The following HOMEZ variants were observed in gnomAD, a reference collection of about 807,000 sequenced individuals.
The protein encoded by HOMEZ is homeobox and leucine zipper protein Homez.
HOMEZ carries 20 observed loss-of-function variants against 50.1 expected under a neutral mutation model. That is an observed-to-expected ratio of 0.40 (90% confidence interval 0.28 to 0.58). HOMEZ has a LOEUF of 0.58. Among genes scored for constraint, HOMEZ ranks in the 20% least tolerant of loss-of-function variants. The pLI is 0.46. For missense variants in HOMEZ, 579 were observed against 680.5 expected, an observed-to-expected ratio of 0.85 and a Z score of 1.66; for synonymous variants, 239 against 254.7, an observed-to-expected ratio of 0.94 and a Z score of 0.59.
At chr14:23,281,808 TAATAATAATAA>T (rs1325320975) in intron 1 of HOMEZ, among the ~76,000 whole-genome samples, 1 of 143,386 alleles carries the variant, frequency 7.0e-6, no homozygotes, top group Admixed American at 7.0e-5. Context: ...CAAATAATAA[TAATAATAATAA>T]TAATAATAAT....
chr14:23,278,134 GT>G (rs1166550227), intron 1 of HOMEZ, among the ~76,000 whole-genome samples: 9 of 148,580 alleles, frequency 6.1e-5, no homozygotes, highest in East Asian at 2.0e-4. Flanking sequence ...CTGGTGGGTT[GT>G]TTTTTTTTAA....
rs1886374972 is a variant in HOMEZ, at chr14:23,276,837, C to T, written c.391G>A (p.Asp131Asn). The T allele has an allele frequency of 4.3e-6, 7 of 1,614,024 alleles. No homozygotes were observed. Among genetic ancestry groups the T allele is most frequent in the Non-Finnish European group, 5.9e-6 (7 of 1,179,900 alleles). The change falls in exon 2 of 2, where the codon GAC (aspartate) becomes AAC (asparagine). Residue 131 changes from aspartate to asparagine, a missense_variant. Physicochemically the swap from Asp to Asn is conservative, Grantham distance 23. Coordinates refer to ENST00000357460, the MANE Select transcript of HOMEZ (RefSeq NM_020834.3). This position sits in a 1 kb window ranked among gnomAD's most constrained non-coding sequence, Gnocchi z 4.1. ...AGAAGGGATTTGAAATGGAGTTGGT[C>T]CCGACGGTAGACTACTCGGGCTCGA... ...ETRARVVYRR[D>N]QLHFKSLLSF...
Position 23,275,955 on chromosome 14 carries a change from G to A in HOMEZ, c.1273C>T (p.Pro425Ser), listed in dbSNP as rs756194883. Residue 425 changes from proline (P) to serine (S), a missense_variant, in exon 2 of 2, where the codon CCT becomes TCT. Pro to Ser is a moderately conservative substitution (Grantham distance 74, BLOSUM62 -1). Transcript: ENST00000357460. ...QLKWFRDNAV[P>S]GAPSFQDPAI... ...GGGTCTTGGAAACTAGGGGCACCAGGTACTGCGTTGTCCCGAAACCACTTT... is the reference window on the plus strand; with the variant it reads ...GGGTCTTGGAAACTAGGGGCACCAGATACTGCGTTGTCCCGAAACCACTTT... The A allele has an allele frequency of 1.9e-6, 3 of 1,612,404 alleles. No individual in the cohort carries two copies. The highest frequency in any genetic ancestry group is 2.5e-6 in the Non-Finnish European group (3 of 1,179,206).
chr14:23,280,780 T>TTTA (rs1350535260), intron 1 of HOMEZ, among the ~76,000 whole-genome samples: 1 of 133,412 alleles, frequency 7.5e-6, no homozygotes, highest in African/African-American at 3.0e-5. Flanking sequence ...TTTATTTTAT[T>TTTA]TTATTTTATT....
chr14:23,273,159 C>T lies in HOMEZ; in HGVS notation c.*2416G>A, dbSNP rs1594960073. The T allele has an allele frequency of 2.1e-5, 6 of 282,202 alleles. No individual in the cohort carries two copies. In the East Asian group the frequency reaches 3.9e-4, roughly 18 times the overall value. 17.5% of individuals were successfully genotyped at this position (282,202 alleles called of 1,614,324 possible). A position where few individuals can be genotyped will look rare whatever the true frequency, so the allele number is the denominator to read the frequency against. On this transcript the variant is annotated 3_prime_UTR_variant, in exon 2 of 2. Transcript: ENST00000357460. ...TCCCCTCATTTCCTACAATTTGGAA[C>T]AAAGGTCAAAAAAATAATTCTTGGC...
intron 1 of HOMEZ, among the ~76,000 whole-genome samples, chr14:23,283,347 G>T (rs1490613059): frequency 6.6e-6 from 1 of 151,750 alleles, no homozygotes; most frequent in Non-Finnish European, 1.5e-5. Context: ...GACTAGCCTG[G>T]GCAACATAGC....
intron 1 of HOMEZ, among the ~76,000 whole-genome samples, chr14:23,280,690 T>TTTA (rs1555323487): frequency 6.5e-5 from 8 of 122,260 alleles, no homozygotes; most frequent in East Asian, 2.6e-4. Context: ...TTATATTTTA[T>TTTA]TTTTATTTTT....
At chr14:23,281,003 T>A (rs963659709) in intron 1 of HOMEZ, among the ~76,000 whole-genome samples, 1 of 151,654 alleles carries the variant, frequency 6.6e-6, no homozygotes, top group Non-Finnish European at 1.5e-5. Context: ...TCTCCTGACC[T>A]CGTCATCTGC....
chr14:23,285,775 G>A (rs954476802), intron 1 of HOMEZ, 138 bp downstream of exon 1: 3 of 465,574 alleles, frequency 6.4e-6, no homozygotes, highest in East Asian at 3.5e-5. Flanking sequence ...GAACCGAAAA[G>A]TCCAGAGGAG....
intron 1 of HOMEZ, among the ~76,000 whole-genome samples, chr14:23,278,847 T>G: frequency 6.6e-6 from 1 of 152,122 alleles, no homozygotes; most frequent in Middle Eastern, 3.2e-3. Flanking sequence ...TGCTACATTT[T>G]GTATTTTTAG....
chr14:23,280,135 A>G (rs2140504932), intron 1 of HOMEZ, among the ~76,000 whole-genome samples: 1 of 152,196 alleles, frequency 6.6e-6, no homozygotes, highest in Admixed American at 6.5e-5. Context: ...CCCTAAGCCC[A>G]AACCTGATAG....
At chr14:23,281,405 G>A (rs1158212331) in intron 1 of HOMEZ, among the ~76,000 whole-genome samples, 2 of 152,046 alleles carry the variant, frequency 1.3e-5, no homozygotes, top group African/African-American at 2.4e-5. Context: ...TTTGAATCCC[G>A]GTTCTGCCAC....
At chr14:23,278,725 G>T (rs1886421410) in intron 1 of HOMEZ, among the ~76,000 whole-genome samples, 1 of 152,144 alleles carries the variant, frequency 6.6e-6, no homozygotes, top group South Asian at 2.1e-4. Flanking sequence ...GCCTAGACTG[G>T]AGTAGAGTGG....
intron 1 of HOMEZ, among the ~76,000 whole-genome samples, chr14:23,280,212 A>T (rs1886459342): frequency 6.6e-6 from 1 of 151,054 alleles, no homozygotes; most frequent in Admixed American, 6.6e-5. Flanking sequence ...AATGAGGCTC[A>T]CTCCCCTAAC....
Position 23,275,395 on chromosome 14 carries a change from G to T in HOMEZ, c.*180C>A. 1 of 693,882 alleles carries T rather than the reference G, an allele frequency of 1.4e-6. No homozygotes were observed. The highest frequency in any genetic ancestry group is 2.4e-6 in the Non-Finnish European group (1 of 424,018). 43.0% of individuals were successfully genotyped at this position (693,882 alleles called of 1,614,324 possible). A position where few individuals can be genotyped will look rare whatever the true frequency, so the allele number is the denominator to read the frequency against. ...TGATCCAATCCCAGCCTTACTTAGT[G>T]CCCTATGGTCATTCTCCCTGGTCCA... On this transcript the variant is annotated 3_prime_UTR_variant, in exon 2 of 2. Transcript: ENST00000357460.
At chr14:23,279,573 G>A (rs1886443542) in intron 1 of HOMEZ, among the ~76,000 whole-genome samples, 4 of 152,102 alleles carry the variant, frequency 2.6e-5, no homozygotes, top group Non-Finnish European at 4.4e-5. Flanking sequence ...GCAGGTGATC[G>A]AAAAAGGTTG....
chr14:23,280,685 T>TA (rs1491354333), intron 1 of HOMEZ, among the ~76,000 whole-genome samples: 1 of 130,198 alleles, frequency 7.7e-6, no homozygotes, highest in Admixed American at 8.3e-5. Context: ...ATCTGTTATA[T>TA]TTTATTTTTA....
Position 23,285,958 on chromosome 14 carries a change from G to A in HOMEZ, c.-6C>T. 6 of 1,240,242 alleles carry A rather than the reference G, an allele frequency of 4.8e-6. No homozygotes were observed. Among genetic ancestry groups the A allele is most frequent in the Middle Eastern group, 4.7e-4 (2 of 4,262 alleles). 76.8% of individuals were successfully genotyped at this position (1,240,242 alleles called of 1,614,324 possible). A position where few individuals can be genotyped will look rare whatever the true frequency, so the allele number is the denominator to read the frequency against. ...GGCTCCCAGCCTCGCACCATGGGCC[G>A]GGGGGAAGTGGGGGAGAGGGCAGGG... is the stretch of plus-strand genomic sequence containing the variant. On this transcript the variant is annotated 5_prime_UTR_variant, in exon 1 of 2. Transcript: ENST00000357460.
rs190166429 is a variant in HOMEZ at position 23,272,664 on chromosome 14, T to C, written c.*2911A>G. 10 of 641,280 alleles carry C rather than the reference T, an allele frequency of 1.6e-5. 1 individual carries two copies. In the East Asian group the frequency reaches 2.5e-4, roughly 16 times the overall value. The allele number at this position is 641,280 out of a possible 1,614,324, so 39.7% of individuals were successfully genotyped here. Reference sequence around the variant, plus strand: ...TTGTCACACTAGATGTAGCAAATCCTAGTTTGGAAAAGTTAGTTATCATGC... The same window carrying C: ...TTGTCACACTAGATGTAGCAAATCCCAGTTTGGAAAAGTTAGTTATCATGC... On this transcript the variant is annotated 3_prime_UTR_variant, in exon 2 of 2. Coordinates refer to ENST00000357460, the MANE Select transcript of HOMEZ (RefSeq NM_020834.3).
Sources: allele counts gnomAD v4.1 joint callset (sites outside exome capture counted in the v4.1 genomes callset), GRCh38; gene constraint gnomAD v4.1.1; non-coding constraint Gnocchi (gnomAD v3.1); transcripts MANE v1.5; gene names NCBI Gene and HGNC (gene_info 2026-07-23, HGNC 2026-07-21).